The following TEX15 variants were observed in gnomAD, a reference collection of about 807,000 sequenced individuals.
TEX15 encodes testis-expressed protein 15.
A neutral mutation model predicts 237.3 loss-of-function variants in TEX15; 171 were observed. That is an observed-to-expected ratio of 0.72 (90% CI 0.64 to 0.82). TEX15 has a LOEUF of 0.82. Ranked by LOEUF, TEX15 falls within the 40% of genes least tolerant of loss-of-function variation. The pLI is 0.00. For missense variants in TEX15, 3,750 were observed against 3,646.5 expected (o/e 1.03, Z -0.73); for synonymous variants, 1,338 against 1,269.8 (o/e 1.05, Z -1.14).
rs750041649 is a variant in TEX15, at chr8:30,848,796, T to C, written c.1371A>G (p.Gln457=). Residue 457 remains glutamine (Q), a synonymous_variant, in exon 8 of 11, where the codon CAA becomes CAG. Transcript: ENST00000643185. ...TAACATTATCTGAACTCTTCTCAAATTGCAAAACCTCATTTAAGCCTGCAG... is the reference window on the plus strand; with the variant it reads ...TAACATTATCTGAACTCTTCTCAAACTGCAAAACCTCATTTAAGCCTGCAG... ...SSTAGLNEVL[Q]FEKSSDNVNS... is the part of the protein sequence containing the mutation. The C allele has an allele frequency of 3.7e-6, 6 of 1,614,002 alleles. No homozygotes were observed. The East Asian group carries it at 8.9e-5, about 24-fold the overall frequency.
intron 7 of TEX15, among the ~76,000 whole-genome samples, chr8:30,851,679 A>G (rs1181754321): frequency 6.6e-6 from 1 of 150,980 alleles, no homozygotes; most frequent in Non-Finnish European, 1.5e-5. Flanking sequence ...CAATGTGGGA[A>G]AAGAAACCTA....
At chr8:30,840,578 T>C (rs1345089887) in intron 8 of TEX15, among the ~76,000 whole-genome samples, 1 of 152,178 alleles carries the variant, frequency 6.6e-6, no homozygotes, top group Non-Finnish European at 1.5e-5. Context: ...CTAAGCCCCA[T>C]CGATTCTTTA....
In TEX15 at chr8:30,837,893, G is replaced by T. The variant is rs780550740; in HGVS notation, c.8391C>A (p.Ser2797Arg). 38 of 1,614,094 alleles carry T rather than the reference G, an allele frequency of 2.4e-5. No homozygotes were observed. The highest frequency in any genetic ancestry group is 3.2e-5 in the Non-Finnish European group (38 of 1,179,992). The change falls in exon 10 of 11, where the codon AGC (serine) becomes AGA (arginine). Residue 2797 changes from serine to arginine, a missense_variant. By Grantham distance (110) the Ser-to-Arg change is moderately radical (BLOSUM62 -1). Transcript: ENST00000643185. ...PKDTCASKSE[S>R]KIDLTVSSDH... ...CAGATGAAACAGTTAAGTCTATTTT[G>T]CTTTCCGACTTTGATGCGCAAGTGT...
chr8:30,892,185 T>TA (rs1808807670), intron 2 of TEX15, among the ~76,000 whole-genome samples: 1 of 152,208 alleles, frequency 6.6e-6, no homozygotes, highest in Non-Finnish European at 1.5e-5. Context: ...TTGTCTATGG[T>TA]AAAAAATAAA....
rs370975522 is a variant in TEX15 at position 30,844,777 on chromosome 8, G to C, written c.5390C>G (p.Ser1797Ter). Residue 1797 changes from serine to a stop codon, truncating the protein, a stop_gained, in exon 8 of 11, where the codon TCA (serine) becomes TGA (stop). Transcript: ENST00000643185. LOFTEE classifies it high-confidence loss of function. ...VTENYELDVA[S>*]GTEEDKSYGE... ...ATAACTTTTATCTTCTTCAGTTCCT[G>C]ATGCTACATCCAACTCATAATTCTC... 6.2e-7 allele frequency: 1 copy of C among 1,613,296 alleles called. No homozygotes were observed. The highest frequency in any genetic ancestry group is 8.5e-7 in the Non-Finnish European group (1 of 1,179,592).
chr8:30,909,832 G>A (rs1366410072), intron 1 of TEX15, among the ~76,000 whole-genome samples: 1 of 152,120 alleles, frequency 6.6e-6, no homozygotes, highest in Admixed American at 6.5e-5. Context: ...GAAAGAAGAT[G>A]AGGTTATTTT....
intron 4 of TEX15, among the ~76,000 whole-genome samples, chr8:30,868,980 T>G (rs891886934): frequency 2.0e-5 from 3 of 151,524 alleles, no homozygotes; most frequent in African/African-American, 7.3e-5. Flanking sequence ...CTCAAAATCC[T>G]CTGTAAATTG....
intron 7 of TEX15, among the ~76,000 whole-genome samples, chr8:30,852,769 C>A (rs1807816402): frequency 6.6e-6 from 1 of 151,992 alleles, no homozygotes; most frequent in African/African-American, 2.4e-5. Context: ...AATACGGAAA[C>A]TAATAAAACC....
At chr8:30,899,862 T>C (rs991825834) in intron 1 of TEX15, among the ~76,000 whole-genome samples, 1 of 152,208 alleles carries the variant, frequency 6.6e-6, no homozygotes, top group South Asian at 2.1e-4. Context: ...TGAGCTTTCA[T>C]GTTCCTGTGA....
chr8:30,846,576 A>AC lies in TEX15; in HGVS notation c.3590_3591insG (p.Asp1197GlufsTer8). The AC allele has an allele frequency of 6.2e-7, 1 of 1,613,832 alleles. No homozygotes were observed. Among genetic ancestry groups the AC allele is most frequent in the Non-Finnish European group, 8.5e-7 (1 of 1,179,774 alleles). On this transcript the variant is annotated frameshift_variant, in exon 8 of 11. Transcript: ENST00000643185. LOFTEE classifies it high-confidence loss of function. ...AAATGTCAAATCCTAGAATTTCTCC[A>AC]TCTTCCTTATTTATTTCCGGTTTTG... is the stretch of plus-strand genomic sequence containing the variant.
chr8:30,849,641 G>A (rs1001510019), intron 7 of TEX15, among the ~76,000 whole-genome samples: 2 of 152,124 alleles, frequency 1.3e-5, no homozygotes, highest in African/African-American at 4.8e-5. Context: ...GGTGGCTCAC[G>A]CTTATAATTC....
At chr8:30,860,601 G>A (rs1276395634) in intron 5 of TEX15, among the ~76,000 whole-genome samples, 1 of 126,724 alleles carries the variant, frequency 7.9e-6, no homozygotes, top group East Asian at 2.4e-4. Context: ...GTCTCACTCT[G>A]TCACCCAGGC....
At chr8:30,868,808 G>A (rs1253594937) in intron 4 of TEX15, among the ~76,000 whole-genome samples, 2 of 150,780 alleles carry the variant, frequency 1.3e-5, no homozygotes, top group African/African-American at 4.9e-5. Flanking sequence ...GATGTATAAT[G>A]TAAACCCTAC....
rs1330043301 is a variant in TEX15, at chr8:30,843,164, C to A, written c.7003G>T (p.Asp2335Tyr). Reference sequence around the variant, plus strand: ...GACTTTCTGGAAGCAATTATAGTATCCTCCTCAAGCCCAATAGGGGAAATT... The same window carrying A: ...GACTTTCTGGAAGCAATTATAGTATACTCCTCAAGCCCAATAGGGGAAATT... ...EPISPIGLEE[D>Y]TIIASRKSDH... The change falls in exon 8 of 11, where the codon GAT becomes TAT. Residue 2335 changes from aspartate (D) to tyrosine (Y), a missense_variant. By Grantham distance (160) the Asp-to-Tyr change is radical. Coordinates refer to ENST00000643185, the MANE Select transcript of TEX15 (RefSeq NM_001350162.2). The A allele has an allele frequency of 1.2e-6, 2 of 1,613,350 alleles. No homozygotes were observed. The highest frequency in any genetic ancestry group is 2.2e-5 in the East Asian group (1 of 44,822).
chr8:30,836,619 T>C lies in TEX15; in HGVS notation c.9481+184A>G, dbSNP rs143590532. On this transcript the variant is annotated intron_variant, in intron 10 of 10. Transcript: ENST00000643185. ...TAGTGATACTGACAGTTTTTTTTCT[T>C]GAATTTTTGACAACTAGATTTCCAC... is the stretch of plus-strand genomic sequence containing the variant. 4.4e-3 allele frequency among the ~76,000 whole-genome samples: 673 copies of C among 152,304 alleles called. 3 individuals are homozygous for C. The highest frequency in any genetic ancestry group is 6.5e-3 in the Non-Finnish European group (441 of 68,018).
intron 4 of TEX15, among the ~76,000 whole-genome samples, chr8:30,871,932 A>G (rs552381339): frequency 1.3e-5 from 2 of 152,184 alleles, no homozygotes; most frequent in African/African-American, 2.4e-5. Flanking sequence ...AAATTCTAAA[A>G]AGTAAAGAAT....
intron 1 of TEX15, among the ~76,000 whole-genome samples, chr8:30,912,294 C>T (rs536181741): frequency 3.3e-5 from 5 of 152,136 alleles, no homozygotes; most frequent in Non-Finnish European, 5.9e-5. Context: ...GGTCGCGAGT[C>T]CCACAGGAGT....
Position 30,849,122 on chromosome 8 carries a change from C to T in TEX15, c.1045G>A (p.Gly349Arg), listed in dbSNP as rs1333608492. 1.3e-6 allele frequency: 2 copies of T among 1,595,990 alleles called. No individual in the cohort carries two copies. Among genetic ancestry groups the T allele is most frequent in the Non-Finnish European group, 1.7e-6 (2 of 1,171,302 alleles). The change falls in exon 8 of 11, where the codon GGA (glycine) becomes AGA (arginine). Residue 349 changes from glycine to arginine, a missense_variant. By Grantham distance (125) the Gly-to-Arg change is moderately radical (BLOSUM62 -2). Coordinates refer to ENST00000643185, the MANE Select transcript of TEX15 (RefSeq NM_001350162.2). ...ISNSYGNVQN[G>R]NISIPETYSG... The stretch of plus-strand genomic sequence containing the variant: ...TATGTTTCAGGTATAGAAATGTTTC[C>T]ATTTTGTACATTTCCATAGGAGTTA...
At chr8:30,853,143 C>A (rs1463996552) in intron 7 of TEX15, among the ~76,000 whole-genome samples, 2 of 152,126 alleles carry the variant, frequency 1.3e-5, no homozygotes, top group African/African-American at 4.8e-5. Context: ...TAATACATTG[C>A]GGATGGGCTG....
Sources: allele counts gnomAD v4.1 joint callset (sites outside exome capture counted in the v4.1 genomes callset), GRCh38; gene constraint gnomAD v4.1.1; transcripts MANE v1.5; gene names NCBI Gene and HGNC (gene_info 2026-07-23, HGNC 2026-07-21).